GPALPP1: variants seen among roughly 807,000 people sequenced by gnomAD.
GPALPP1 encodes the protein GPALPP motifs-containing protein 1.
A neutral mutation model predicts 38.9 loss-of-function variants in GPALPP1; 30 were observed. The ratio of observed to expected loss-of-function variants is 0.77; its 90% CI spans 0.58 to 1.05. GPALPP1 has a LOEUF of 1.05. Among genes scored for constraint, GPALPP1 ranks in the 50% least tolerant of loss-of-function variants. The pLI is 0.00. For synonymous variants in GPALPP1, 120 were observed against 139.2 expected (o/e 0.86, Z 0.97); for missense variants, 384 against 408.8 (o/e 0.94, Z 0.52).
downstream of GPALPP1, chr13:45,030,471 C>A (rs149661434): frequency 0.088 from 13,429 of 152,434 alleles, 966 homozygotes; most frequent in African/African-American, 0.17. Flanking sequence ...CCTCCGCCTC[C>A]TGGGTTCAAG....
At chr13:45,031,460 TTTTC>T (rs1424125286), downstream of GPALPP1, 2 of 152,226 alleles carry the variant, frequency 1.3e-5, no homozygotes, top group Non-Finnish European at 2.9e-5. Flanking sequence ...GGATACTTAC[TTTTC>T]TTTGTTTTCC....
At chr13:45,022,290 G>T (rs1434530344) in intron 7 of GPALPP1, among the ~76,000 whole-genome samples, 1 of 152,026 alleles carries the variant, frequency 6.6e-6, no homozygotes, top group African/African-American at 2.4e-5. Flanking sequence ...TCGGAATAGG[G>T]GTATGGAATT....
At chr13:45,000,971 C>A (rs1873632210) in intron 1 of GPALPP1, among the ~76,000 whole-genome samples, 2 of 152,132 alleles carry the variant, frequency 1.3e-5, no homozygotes, top group Non-Finnish European at 2.9e-5. Flanking sequence ...TTGAAATAGG[C>A]CAATGATTCC....
At chr13:45,023,197 T>C (rs1348259687) in intron 7 of GPALPP1, among the ~76,000 whole-genome samples, 1 of 152,194 alleles carries the variant, frequency 6.6e-6, no homozygotes, top group Non-Finnish European at 1.5e-5. Flanking sequence ...CAGCTTTTGA[T>C]TTTCAGTGAG....
At chr13:45,020,664 G>C (rs1198362200) in intron 7 of GPALPP1, among the ~76,000 whole-genome samples, 1 of 149,316 alleles carries the variant, frequency 6.7e-6, no homozygotes, top group Non-Finnish European at 1.5e-5. Flanking sequence ...AAGGAAGCCA[G>C]AAGCAAAATA....
rs1392694639 is a variant in GPALPP1 at position 44,989,807 on chromosome 13, G to C, written c.88+65G>C. On this transcript the variant is annotated intron_variant, in intron 1 of 7. Transcript: ENST00000379151. Reference sequence around the variant, plus strand: ...CCCACTCCCTGGCCGGGCCCTGCTCGCTGAAGAAAGTCGGAGGCCTAGGAG... The same window carrying C: ...CCCACTCCCTGGCCGGGCCCTGCTCCCTGAAGAAAGTCGGAGGCCTAGGAG... The C allele has an allele frequency of 3.9e-6, 5 of 1,292,540 alleles. No individual in the cohort carries two copies. The Admixed American group carries it at 7.3e-5, about 19-fold the overall frequency. The allele number at this position is 1,292,540 out of a possible 1,614,324, so 80.1% of individuals were successfully genotyped here. A position where few individuals can be genotyped will look rare whatever the true frequency, so the allele number is the denominator to read the frequency against.
intron 3 of GPALPP1, among the ~76,000 whole-genome samples, chr13:45,006,827 T>G (rs1050255009): frequency 1.3e-5 from 2 of 152,124 alleles, no homozygotes; most frequent in African/African-American, 4.8e-5. Context: ...CTTGACTTTG[T>G]GTGTGGGTGT....
intron 4 of GPALPP1, 51 bp from the exon 5 acceptor site, chr13:45,014,901 T>C: frequency 1.4e-6 from 2 of 1,390,876 alleles, no homozygotes; most frequent in Non-Finnish European, 1.9e-6. Flanking sequence ...AATTATTTTT[T>C]ATAACCTGTA....
chr13:45,021,056 T>C (rs182927136), intron 7 of GPALPP1, among the ~76,000 whole-genome samples: 1 of 152,172 alleles, frequency 6.6e-6, no homozygotes, highest in Non-Finnish European at 1.5e-5. Flanking sequence ...CAATCTAAAT[T>C]TATAAACTAA....
chr13:45,021,689 C>T (rs761868840), intron 7 of GPALPP1, among the ~76,000 whole-genome samples: 24 of 149,914 alleles, frequency 1.6e-4, no homozygotes, highest in Non-Finnish European at 3.1e-4. Context: ...TTAAACTTTG[C>T]ATCAAAGAAA....
At chr13:44,992,146 T>G (rs889405069) in intron 1 of GPALPP1, among the ~76,000 whole-genome samples, 10 of 152,234 alleles carry the variant, frequency 6.6e-5, no homozygotes, top group African/African-American at 2.4e-4. Context: ...ATTCTAGTTG[T>G]TCCACATTCT....
chr13:45,029,451 G>A lies in GPALPP1; in HGVS notation c.*1448G>A, dbSNP rs959921461. 1 of 152,178 alleles carries A rather than the reference G, an allele frequency of 6.6e-6. No individual in the cohort carries two copies. The highest frequency in any genetic ancestry group is 2.4e-5 in the African/African-American group (1 of 41,448). The allele number at this position is 152,178 out of a possible 1,614,324, so 9.4% of individuals were successfully genotyped here. On this transcript the variant is annotated 3_prime_UTR_variant, in exon 8 of 8. Coordinates refer to ENST00000379151, the MANE Select transcript of GPALPP1 (RefSeq NM_018559.5). ...ATTCTATGTGCCTTTAGCTTCTGTG[G>A]AAGTATGGGGAATTATGGGCTTTTC...
At chr13:45,016,411 G>A (rs534229304) in intron 6 of GPALPP1, among the ~76,000 whole-genome samples, 71 of 151,948 alleles carry the variant, frequency 4.7e-4, no homozygotes, top group South Asian at 4.4e-3. Context: ...CCAAGATTGC[G>A]CCGCTGCACT....
At chr13:45,022,786 A>C (rs1184718627) in intron 7 of GPALPP1, among the ~76,000 whole-genome samples, 5 of 152,206 alleles carry the variant, frequency 3.3e-5, no homozygotes, top group Non-Finnish European at 7.3e-5. Context: ...TAATCCCAGC[A>C]CTTTGGGGGA....
chr13:44,996,132 A>T (rs757617593), intron 1 of GPALPP1, among the ~76,000 whole-genome samples: 27 of 152,104 alleles, frequency 1.8e-4, no homozygotes, highest in Non-Finnish European at 2.8e-4. Context: ...AGGTGGGAGG[A>T]TCACTTGAGC....
At chr13:45,015,993 A>G (rs1335781678) in intron 6 of GPALPP1, among the ~76,000 whole-genome samples, 2 of 152,126 alleles carry the variant, frequency 1.3e-5, no homozygotes, top group Non-Finnish European at 2.9e-5. Flanking sequence ...TTATGAACAT[A>G]TATCTTTTAA....
chr13:45,020,458 A>C, intron 7 of GPALPP1, 30 bp downstream of exon 7: 1 of 877,842 alleles, frequency 1.1e-6, no homozygotes. Context: ...ATATAGAGCC[A>C]GGTGTGATGG....
chr13:45,019,066 TAA>T (rs1875160235), intron 6 of GPALPP1, among the ~76,000 whole-genome samples: 1 of 34,696 alleles, frequency 2.9e-5, no homozygotes, highest in Non-Finnish European at 1.1e-4. Flanking sequence ...TATATACATA[TAA>T]ATATATACAT....
At chr13:44,996,533 G>A (rs1314373381) in intron 1 of GPALPP1, among the ~76,000 whole-genome samples, 1 of 151,562 alleles carries the variant, frequency 6.6e-6, no homozygotes, top group African/African-American at 2.4e-5. Context: ...ATCCTGGCTG[G>A]AGTGCAGTGG....
Sources: allele counts gnomAD v4.1 joint callset (sites outside exome capture counted in the v4.1 genomes callset), GRCh38; gene constraint gnomAD v4.1.1; transcripts MANE v1.5; gene names NCBI Gene and HGNC (gene_info 2026-07-23, HGNC 2026-07-21).